The following FBXL16 variants were observed in gnomAD, a reference collection of about 807,000 sequenced individuals.
FBXL16 encodes F-box/LRR-repeat protein 16.
In FBXL16, 7 loss-of-function variants were observed where a neutral mutation model predicts 36.7. That is an observed-to-expected ratio of 0.19 (90% CI 0.11 to 0.36). The LOEUF (loss-of-function observed/expected upper bound fraction) is 0.36. FBXL16 is among the 10% of genes least tolerant of loss of function. The pLI is 1.00. For missense variants in FBXL16, 463 were observed against 659.4 expected (o/e 0.70, Z 3.26); for synonymous variants, 355 against 308.7 (o/e 1.15, Z -1.57).
rs146321345 is a variant in FBXL16, at chr16:699,065, C to T, written c.-14-1646G>A. On this transcript the variant is annotated intron_variant, in intron 1 of 5. Coordinates refer to ENST00000397621, the MANE Select transcript of FBXL16 (RefSeq NM_153350.4). ...CCTGGACACAAGCTGTCGCTTTAAT[C>T]TTCTGCCCAATGAGAACGATGCTGT... 5.1e-3 allele frequency among the ~76,000 whole-genome samples: 772 copies of T among 152,304 alleles called. 7 individuals carry two copies. Among genetic ancestry groups the T allele is most frequent in the African/African-American group, 0.018 (735 of 41,564 alleles).
chr16:694,438 G>C lies in FBXL16; in HGVS notation c.1292-15C>G. On this transcript the variant is annotated splice_polypyrimidine_tract_variant and intron_variant, in intron 5 of 5. Transcript: ENST00000397621. ...CAGCGGGCAGCCTGCGGCGGGGTCA[G>C]AGGGCGGCTCAGTGCGCGCGGCCCA... 2 of 1,538,226 alleles carry C rather than the reference G, an allele frequency of 1.3e-6. No homozygotes were observed. The highest frequency in any genetic ancestry group is 1.7e-6 in the Non-Finnish European group (2 of 1,150,402).
At position 694,375 on chromosome 16, in the gene FBXL16, T is replaced by C; in HGVS notation, c.1340A>G (p.Gln447Arg). 1.9e-6 allele frequency: 3 copies of C among 1,541,906 alleles called. No individual in the cohort carries two copies. The highest frequency in any genetic ancestry group is 4.5e-5 in the Admixed American group (2 of 44,678). The change falls in exon 6 of 6, where the codon CAG (glutamine) becomes CGG (arginine). Residue 447 changes from glutamine (Q) to arginine (R), a missense_variant. By Grantham distance (43) the Gln-to-Arg change is conservative. Transcript: ENST00000397621. The part of the protein sequence containing the change: ...TTGLSGLVQL[Q>R]ELEELELTNC... ...GGTCAGCTCCAGCTCCTCCAGCTCC[T>C]GCAGCTGCACCAGGCCCGACAGCCC...
chr16:699,461 T>A (rs1031473504), intron 1 of FBXL16, among the ~76,000 whole-genome samples: 1 of 152,142 alleles, frequency 6.6e-6, no homozygotes, highest in Admixed American at 6.5e-5. Context: ...GGACTTGAAA[T>A]GGGCCCCACC....
chr16:701,660 G>A (rs965369092), intron 1 of FBXL16, among the ~76,000 whole-genome samples: 1 of 151,958 alleles, frequency 6.6e-6, no homozygotes, highest in African/African-American at 2.4e-5. Context: ...GGCTCACAGA[G>A]CCCCCTTTCC....
chr16:699,985 G>A (rs893665485), intron 1 of FBXL16, among the ~76,000 whole-genome samples: 3 of 152,156 alleles, frequency 2.0e-5, no homozygotes, highest in Non-Finnish European at 4.4e-5. Context: ...GGTCTCGGAC[G>A]GCACTGCAAC....
chr16:697,237 G>C lies in FBXL16; in HGVS notation c.169C>G (p.Pro57Ala). 6.7e-7 allele frequency: 1 copy of C among 1,491,182 alleles called. No homozygotes were observed. Among genetic ancestry groups the C allele is most frequent in the Admixed American group, 2.0e-5 (1 of 48,906 alleles). The allele number at this position is 1,491,182 out of a possible 1,614,324, so 92.4% of individuals were successfully genotyped here. A position where few individuals can be genotyped will look rare whatever the true frequency, so the allele number is the denominator to read the frequency against. ...CQPPPPPTLP[P>A]PSLAAPLSRA... ...GACAGTGGAGCAGCCAGGCTGGGTG[G>C]TGGGAGGGTGGGTGGGGGTGGTGGC... Residue 57 changes from proline (P) to alanine (A), a missense_variant, in exon 2 of 6, where the codon CCA becomes GCA. By Grantham distance (27) the Pro-to-Ala change is conservative. Transcript: ENST00000397621. The surrounding 1 kb of genome is among the most constrained non-coding windows in gnomAD (Gnocchi z 4.6).
At position 694,270 on chromosome 16, in the gene FBXL16, T is replaced by C; in HGVS notation, c.*5A>G. 1 of 1,380,300 alleles carries C rather than the reference T, an allele frequency of 7.2e-7. No individual in the cohort carries two copies. Among genetic ancestry groups the C allele is most frequent in the South Asian group, 2.0e-5 (1 of 50,878 alleles). 85.5% of individuals were successfully genotyped at this position (1,380,300 alleles called of 1,614,324 possible). A position where few individuals can be genotyped will look rare whatever the true frequency, so the allele number is the denominator to read the frequency against. Reference sequence around the variant, plus strand: ...GGTTCCCGCGACCGGGGCGGGGGCCTCGCGCTACTCAATGACGAGGCAGCG... The same window carrying C: ...GGTTCCCGCGACCGGGGCGGGGGCCCCGCGCTACTCAATGACGAGGCAGCG... On this transcript the variant is annotated 3_prime_UTR_variant, in exon 6 of 6. Coordinates refer to ENST00000397621, the MANE Select transcript of FBXL16 (RefSeq NM_153350.4).
chr16:695,618 G>T lies in FBXL16; in HGVS notation c.939C>A (p.Val313=), dbSNP rs774204404. The T allele has an allele frequency of 3.1e-5, 49 of 1,606,396 alleles. No homozygotes were observed. In the East Asian group the frequency reaches 1.1e-3, roughly 36 times the overall value. Reference sequence around the variant, plus strand: ...GGTTGGGCAGGCTGTGCACCACGTTGACCACGCCGTGGTTGGTGATCTCCC... The same window carrying T: ...GGTTGGGCAGGCTGTGCACCACGTTTACCACGCCGTGGTTGGTGATCTCCC... The part of the protein sequence containing the change: ...SCWEITNHGV[V]NVVHSLPNLT... The change falls in exon 3 of 6, where the codon GTC becomes GTA. Residue 313 remains valine (V), a synonymous_variant. Transcript: ENST00000397621.
chr16:694,269 C>A lies in FBXL16; in HGVS notation c.*6G>T, dbSNP rs760469740. Reference sequence around the variant, plus strand: ...GGGTTCCCGCGACCGGGGCGGGGGCCTCGCGCTACTCAATGACGAGGCAGC... The same window carrying A: ...GGGTTCCCGCGACCGGGGCGGGGGCATCGCGCTACTCAATGACGAGGCAGC... On this transcript the variant is annotated 3_prime_UTR_variant, in exon 6 of 6. Coordinates refer to ENST00000397621, the MANE Select transcript of FBXL16 (RefSeq NM_153350.4). The A allele has an allele frequency of 5.1e-6, 7 of 1,379,988 alleles. No homozygotes were observed. The highest frequency in any genetic ancestry group is 6.6e-6 in the Non-Finnish European group (7 of 1,063,586). The allele number at this position is 1,379,988 out of a possible 1,614,324, so 85.5% of individuals were successfully genotyped here.
Position 696,978 on chromosome 16 carries a change from G to A in FBXL16, c.428C>T (p.Ala143Val), listed in dbSNP as rs767590879. 2 of 1,597,608 alleles carry A rather than the reference G, an allele frequency of 1.3e-6. No individual in the cohort carries two copies. Among genetic ancestry groups the A allele is most frequent in the Non-Finnish European group, 1.7e-6 (2 of 1,173,260 alleles). ...AGGCAGCACGTTGTAGAGCTCCTTG[G>A]CATGCAGCACCGGCGTGAGGCCTGC... is the stretch of plus-strand genomic sequence containing the variant. ...FWAGLTPVLHAKELYNVLPGG... is the reference protein window; with the variant it reads ...FWAGLTPVLHVKELYNVLPGG... Residue 143 changes from alanine (A) to valine (V), a missense_variant, in exon 2 of 6, where the codon GCC (alanine) becomes GTC (valine). Around this residue, in one of 3 missense-constraint regions of FBXL16, gnomAD observed 263 missense variants for 341.1 expected, o/e 0.77. Coordinates refer to ENST00000397621, the MANE Select transcript of FBXL16 (RefSeq NM_153350.4).
rs771865644 is a variant in FBXL16, at chr16:697,197, G to C, written c.209C>G (p.Ala70Gly). The change falls in exon 2 of 6, where the codon GCT (alanine) becomes GGT (glycine). Residue 70 changes from alanine to glycine, a missense_variant. Around this residue, in one of 3 missense-constraint regions of FBXL16, gnomAD observed 263 missense variants for 341.1 expected, o/e 0.77. Transcript: ENST00000397621. This position sits in a 1 kb window ranked among gnomAD's most constrained non-coding sequence, Gnocchi z 4.6. The stretch of plus-strand genomic sequence containing the variant: ...ACCTGCCGGGGTGCACGGGCCCCCA[G>C]CCAGGGCAGCCCGGGACAGTGGAGC... ...LAAPLSRAAL[A>G]GGPCTPAGGP... 1 of 1,540,550 alleles carries C rather than the reference G, an allele frequency of 6.5e-7. No individual in the cohort carries two copies. The highest frequency in any genetic ancestry group is 8.7e-7 in the Non-Finnish European group (1 of 1,148,704).
chr16:697,065 T>A lies in FBXL16; in HGVS notation c.341A>T (p.Lys114Met). Reference sequence around the variant, plus strand: ...CTTGCACACCTGGGCCAGCACACACTTCTCGCAGGCCGAGAAATACCAGAA... The same window carrying A: ...CTTGCACACCTGGGCCAGCACACACATCTCGCAGGCCGAGAAATACCAGAA... ...GLFWYFSACE[K>M]CVLAQVCKAW... The change falls in exon 2 of 6, where the codon AAG (lysine) becomes ATG (methionine). Residue 114 changes from lysine (K) to methionine (M), a missense_variant. By Grantham distance (95) the Lys-to-Met change is moderately conservative (BLOSUM62 -1). This residue lies in a region of FBXL16 where 263 missense variants were observed against 341.1 expected (regional missense o/e 0.77). Transcript: ENST00000397621. The surrounding 1 kb of genome is among the most constrained non-coding windows in gnomAD (Gnocchi z 4.6). 2.5e-6 allele frequency: 4 copies of A among 1,605,282 alleles called. No individual in the cohort carries two copies. The highest frequency in any genetic ancestry group is 3.4e-6 in the Non-Finnish European group (4 of 1,176,008).
Position 705,645 on chromosome 16 carries a change from G to A in FBXL16, c.-148C>T, listed in dbSNP as rs2040087952. ...CCGGCAGGGCCCGGCCGCGCCCTGC[G>A]CCCCGCGTCCCGTCCTGGCCGGGCC... On this transcript the variant is annotated 5_prime_UTR_variant, in exon 1 of 6. Transcript: ENST00000397621. 1 of 148,676 alleles carries A rather than the reference G, an allele frequency of 6.7e-6. No individual in the cohort carries two copies. The highest frequency in any genetic ancestry group is 1.5e-5 in the Non-Finnish European group (1 of 66,640). 9.2% of individuals were successfully genotyped at this position (148,676 alleles called of 1,614,324 possible).
In FBXL16 at chr16:696,863, G is replaced by T. The variant is rs766837270; in HGVS notation, c.543C>A (p.Ile181=). ...FCLVGVSDLD[I]CEFIDNYALS... Reference sequence around the variant, plus strand: ...GCGCATAGTTGTCAATGAACTCACAGATGTCCAGGTCGGAGACGCCAACCA... The same window carrying T: ...GCGCATAGTTGTCAATGAACTCACATATGTCCAGGTCGGAGACGCCAACCA... The change falls in exon 2 of 6, where the codon ATC becomes ATA. Residue 181 remains isoleucine, a synonymous_variant. Transcript: ENST00000397621. 24 of 1,605,720 alleles carry T rather than the reference G, an allele frequency of 1.5e-5. No individual in the cohort carries two copies. In the African/African-American group the frequency reaches 3.1e-4, roughly 21 times the overall value.
Position 695,862 on chromosome 16 carries a change from G to GT in FBXL16, c.694dup (p.Thr232AsnfsTer20). ...CAGGCTGGACCACAGCCCGGCCTCG[G>GT]TGAAGTCGTTGCAGCCCGACAGCTC... On this transcript the variant is annotated frameshift_variant, in exon 3 of 6. Coordinates refer to ENST00000397621, the MANE Select transcript of FBXL16 (RefSeq NM_153350.4). LOFTEE classifies it high-confidence loss of function. 6.2e-7 allele frequency: 1 copy of GT among 1,603,310 alleles called. No individual in the cohort carries two copies.
rs747392730 is a variant in FBXL16 at position 695,568 on chromosome 16, C to A, written c.989G>T (p.Cys330Phe). 1 of 1,604,600 alleles carries A rather than the reference C, an allele frequency of 6.2e-7. No individual in the cohort carries two copies. Among genetic ancestry groups the A allele is most frequent in the South Asian group, 1.1e-5 (1 of 90,618 alleles). Residue 330 changes from cysteine to phenylalanine, a missense_variant, in exon 3 of 6, where the codon TGC becomes TTC. Physicochemically the swap from Cys to Phe is radical, Grantham distance 205. Transcript: ENST00000397621. ...CACGCCGTCGTCGGTGACCTTGGAG[C>A]AGCCCGAGAGGCTGAGCGCGGTGAG... ...PNLTALSLSGCSKVTDDGVEL... is the reference protein window; with the variant it reads ...PNLTALSLSGFSKVTDDGVEL...
intron 1 of FBXL16, among the ~76,000 whole-genome samples, chr16:698,005 A>G (rs1439734761): frequency 6.6e-6 from 1 of 151,950 alleles, no homozygotes; most frequent in Admixed American, 6.6e-5. Flanking sequence ...GTCTCAAAAA[A>G]AAAAAAAAGA....
chr16:696,729 C>A, intron 2 of FBXL16, 44 bp downstream of exon 2: 1 of 1,471,060 alleles, frequency 6.8e-7, no homozygotes. Context: ...TGCTGCTGCC[C>A]GCCCCTGCCC....
intron 1 of FBXL16, 79 bp downstream of exon 1, chr16:705,433 C>T (rs1340195101): frequency 2.7e-5 from 4 of 150,708 alleles, no homozygotes; most frequent in Non-Finnish European, 3.0e-5. Context: ...CCCACCCCGC[C>T]CCCTCCTCAT....
Sources: gnomAD v4.1 joint callset for allele counts (sites outside exome capture counted in the v4.1 genomes callset) on GRCh38, gnomAD v4.1.1 for gene constraint, gnomAD v4.1.1 regional missense constraint, Gnocchi (gnomAD v3.1) non-coding constraint, MANE v1.5 for transcripts, NCBI Gene and HGNC (gene_info 2026-07-23, HGNC 2026-07-21) for gene names.